Variants in DLGAP2 observed in about 807,000 individuals in gnomAD.
DLGAP2 encodes disks large-associated protein 2.
Under a neutral mutation model 100.3 loss-of-function variants are expected in DLGAP2, and 26 were observed. That is an observed-to-expected ratio of 0.26 (90% CI 0.19 to 0.36). DLGAP2 has a LOEUF of 0.36. DLGAP2 is among the 10% of genes least tolerant of loss of function. The pLI is 1.00. For missense variants in DLGAP2, 1,858 were observed against 1,453.2 expected, an observed-to-expected ratio of 1.28 and a Z score of -4.53; for synonymous variants, 886 against 630.1, an observed-to-expected ratio of 1.41 and a Z score of -6.08.
intron 2 of DLGAP2, among the ~76,000 whole-genome samples, chr8:1,135,859 G>A (rs913359172): frequency 2.6e-5 from 4 of 152,174 alleles, no homozygotes; most frequent in Non-Finnish European, 5.9e-5. Flanking sequence ...ACGGGGGATT[G>A]GCAGGAATCA....
At chr8:1,313,674 C>T (rs1314411845) in intron 3 of DLGAP2, among the ~76,000 whole-genome samples, 2 of 152,156 alleles carry the variant, frequency 1.3e-5, no homozygotes, top group Non-Finnish European at 2.9e-5. Flanking sequence ...TACCTCAAGT[C>T]CCACCTGAAC....
At chr8:1,136,490 C>G (rs547446563) in intron 2 of DLGAP2, among the ~76,000 whole-genome samples, 5 of 152,196 alleles carry the variant, frequency 3.3e-5, no homozygotes, top group Non-Finnish European at 7.3e-5. Flanking sequence ...CAGGCTGGCT[C>G]TGCATAATCA....
At chr8:928,355 C>G (rs970922308) in intron 2 of DLGAP2, among the ~76,000 whole-genome samples, 4 of 152,048 alleles carry the variant, frequency 2.6e-5, no homozygotes, top group African/African-American at 9.7e-5. Flanking sequence ...CACTAGGTGT[C>G]CTGGTCGGGG....
chr8:1,574,496 C>T (rs552049547), intron 6 of DLGAP2, among the ~76,000 whole-genome samples: 4 of 152,274 alleles, frequency 2.6e-5, no homozygotes, highest in Non-Finnish European at 5.9e-5. Context: ...CCCCTGCCCC[C>T]GGAGGCAGCA....
chr8:1,173,934 C>A (rs966739951), intron 2 of DLGAP2, among the ~76,000 whole-genome samples: 1 of 152,198 alleles, frequency 6.6e-6, no homozygotes, highest in African/African-American at 2.4e-5. Flanking sequence ...GAACCTGGTA[C>A]CTCAGATGGA....
intron 2 of DLGAP2, among the ~76,000 whole-genome samples, chr8:1,038,237 C>T (rs142201706): frequency 6.6e-6 from 1 of 152,352 alleles, no homozygotes; most frequent in Non-Finnish European, 1.5e-5. Context: ...TTGCATCTCT[C>T]CTCTGGTTGG....
chr8:1,557,074 T>G (rs1801990677), intron 5 of DLGAP2, among the ~76,000 whole-genome samples: 1 of 152,140 alleles, frequency 6.6e-6, no homozygotes, highest in Admixed American at 6.5e-5. Context: ...GTACGTCTTA[T>G]GCACTGGGGG....
intron 3 of DLGAP2, among the ~76,000 whole-genome samples, chr8:1,328,542 G>A (rs1441378260): frequency 6.6e-6 from 1 of 151,942 alleles, no homozygotes; most frequent in Admixed American, 6.6e-5. Context: ...GTAGAGACAG[G>A]GTTTCACCAT....
chr8:1,665,269 C>T lies in DLGAP2; in HGVS notation c.1811-3060C>T, dbSNP rs144049529. On this transcript the variant is annotated intron_variant, in intron 8 of 14. Coordinates refer to ENST00000637795, the MANE Select transcript of DLGAP2 (RefSeq NM_001346810.2). ...ACTTAGTGAGGTCTGTGATTTTGAA[C>T]AGTGGCGACAGACCTTTGAGAGTAA... Among the ~76,000 whole-genome samples the T allele has an allele frequency of 2.6e-4, 39 of 152,246 alleles. 1 individual carries two copies. The East Asian group carries it at 6.2e-3, about 24-fold the overall frequency.
chr8:1,568,104 C>T (rs1425593358), intron 6 of DLGAP2, among the ~76,000 whole-genome samples: 2 of 150,954 alleles, frequency 1.3e-5, no homozygotes, highest in Admixed American at 6.6e-5. Flanking sequence ...CTGCCTGTGG[C>T]CCCCATGCCA....
In DLGAP2 at chr8:1,549,437, C is replaced by A. The variant is rs1293904138; in HGVS notation, c.984C>A (p.Pro328=). The change falls in exon 5 of 15, where the codon CCC becomes CCA. Residue 328 remains proline (P), a synonymous_variant. Transcript: ENST00000637795. The part of the protein sequence containing the change: ...HHLGPVAHCY[P]DALQSPFGDL... ...TGGGCCCCGTGGCCCACTGCTACCC[C>A]GACGCGCTGCAGAGCCCCTTCGGGG... 1.9e-6 allele frequency: 3 copies of A among 1,613,480 alleles called. No homozygotes were observed. The South Asian group carries it at 3.3e-5, about 18-fold the overall frequency.
intron 1 of DLGAP2, among the ~76,000 whole-genome samples, chr8:824,240 A>G (rs1361772798): frequency 5.3e-5 from 8 of 151,464 alleles, no homozygotes; most frequent in Non-Finnish European, 1.0e-4. Context: ...ATGCCTGGCT[A>G]ATTTTTGTAT....
At chr8:1,631,741 G>C (rs569243310) in intron 7 of DLGAP2, among the ~76,000 whole-genome samples, 2 of 152,326 alleles carry the variant, frequency 1.3e-5, no homozygotes, top group South Asian at 4.1e-4. Context: ...GGTCCATGCT[G>C]AGTTAGGCTC....
At chr8:787,614 C>T (rs1367172933) in intron 1 of DLGAP2, among the ~76,000 whole-genome samples, 10 of 152,200 alleles carry the variant, frequency 6.6e-5, no homozygotes, top group East Asian at 1.9e-4. Flanking sequence ...TGGCAGCGCC[C>T]GGAGTCAGGT....
rs186106340 is a variant in DLGAP2 at position 1,679,565 on chromosome 8, G to A, written c.2704+936G>A. ...GGAGGGCCGTGTCATTCTTCTACCA[G>A]TGTCACCAGGGCAGATCTGTCCCAG... On this transcript the variant is annotated intron_variant, in intron 12 of 14. Transcript: ENST00000637795. Among the ~76,000 whole-genome samples, 101 of 152,364 alleles carry A rather than the reference G, an allele frequency of 6.6e-4. 1 individual carries two copies. The highest frequency in any genetic ancestry group is 6.8e-3 in the Middle Eastern group (2 of 294).
intron 3 of DLGAP2, chr8:1,300,864 T>A (rs1417245285): frequency 2.6e-5 from 4 of 152,226 alleles, no homozygotes; most frequent in Non-Finnish European, 5.9e-5. Context: ...CTTGTCTTAT[T>A]ATCTAAGCAA....
At chr8:794,555 G>A (rs555379715) in intron 1 of DLGAP2, among the ~76,000 whole-genome samples, 13 of 152,356 alleles carry the variant, frequency 8.5e-5, no homozygotes, top group African/African-American at 3.1e-4. Context: ...TGTCTTTAAA[G>A]CACAGATCAC....
At chr8:1,116,065 G>T (rs939031659) in intron 2 of DLGAP2, among the ~76,000 whole-genome samples, 3 of 152,210 alleles carry the variant, frequency 2.0e-5, no homozygotes, top group Non-Finnish European at 4.4e-5. Context: ...GGACTTTCCA[G>T]GGGTTCTTGG....
chr8:855,081 G>A (rs1797251757), intron 1 of DLGAP2, among the ~76,000 whole-genome samples: 2 of 152,192 alleles, frequency 1.3e-5, no homozygotes, highest in South Asian at 2.1e-4. Context: ...GGGAGGAGGC[G>A]GGAGCAGGTC....
Sources: allele counts gnomAD v4.1 joint callset (sites outside exome capture counted in the v4.1 genomes callset), GRCh38; gene constraint gnomAD v4.1.1; transcripts MANE v1.5; gene names NCBI Gene and HGNC (gene_info 2026-07-23, HGNC 2026-07-21).